Variants in DPEP1 observed in about 807,000 individuals in gnomAD.
DPEP1 encodes the protein dipeptidase 1.
A neutral mutation model predicts 42.3 loss-of-function variants in DPEP1; 50 were observed. That is an observed-to-expected ratio of 1.18 (90% CI 0.94 to 1.50). The LOEUF (loss-of-function observed/expected upper bound fraction) is 1.50. DPEP1 is among the 40% of genes most tolerant of loss of function. The probability of loss-of-function intolerance (pLI) is 0.00; values close to 1 mark genes in which losing one functional copy is unlikely to be tolerated. For missense variants in DPEP1, 663 were observed against 553.0 expected (o/e 1.20, Z -1.99); for synonymous variants, 297 against 234.0 (o/e 1.27, Z -2.46).
chr16:89,613,753 C>T (rs1299262868), intron 1 of DPEP1, 34 bp downstream of exon 1: 4 of 155,186 alleles, frequency 2.6e-5, no homozygotes, highest in Non-Finnish European at 5.7e-5. Context: ...CGCCAGGGTA[C>T]TGGGGTGCCC....
In DPEP1 at chr16:89,637,031, G is replaced by T. The variant is rs541394786; in HGVS notation, c.591+96G>T. The T allele has an allele frequency of 3.2e-6, 5 of 1,548,112 alleles. No individual in the cohort carries two copies. The South Asian group carries it at 5.9e-5, about 18-fold the overall frequency. On this transcript the variant is annotated intron_variant, in intron 6 of 10. Transcript: ENST00000690203. ...GCATCTCCTCACGTGGGACCTCAGT[G>T]TCCTTGTCTGTAAAATGGAGCTGGC...
chr16:89,639,717 G>C (rs137873456), downstream of DPEP1, among the ~76,000 whole-genome samples: 1 of 151,552 alleles, frequency 6.6e-6, no homozygotes, highest in East Asian at 1.9e-4. Context: ...ATGGAATCTC[G>C]CTCCGTCACC....
At chr16:89,630,780 G>A (rs1349236339) in intron 2 of DPEP1, among the ~76,000 whole-genome samples, 1 of 149,192 alleles carries the variant, frequency 6.7e-6, no homozygotes, top group African/African-American at 2.5e-5. Flanking sequence ...GGGGCTGGGG[G>A]AGCTGGGGGT....
chr16:89,632,619 G>T (rs1262906715), intron 2 of DPEP1, among the ~76,000 whole-genome samples: 1 of 152,150 alleles, frequency 6.6e-6, no homozygotes, highest in Admixed American at 6.5e-5. Context: ...CCATATCCCA[G>T]CTAAGGGCAT....
intron 1 of DPEP1, among the ~76,000 whole-genome samples, chr16:89,614,637 T>A (rs1597736032): frequency 6.6e-6 from 1 of 151,620 alleles, no homozygotes; most frequent in Non-Finnish European, 1.5e-5. Context: ...TAATAAAAAA[T>A]ACAAAAAATT....
At chr16:89,632,345 G>T (rs946848537) in intron 2 of DPEP1, among the ~76,000 whole-genome samples, 1 of 152,196 alleles carries the variant, frequency 6.6e-6, no homozygotes, top group African/African-American at 2.4e-5. Context: ...GAGCCACCGC[G>T]CCCGGCCGGG....
At chr16:89,628,457 C>T (rs1470396538) in intron 1 of DPEP1, among the ~76,000 whole-genome samples, 3 of 150,848 alleles carry the variant, frequency 2.0e-5, no homozygotes, top group South Asian at 2.1e-4. Flanking sequence ...GGGGTTTCAC[C>T]ATGTTGCCCA....
chr16:89,638,965 C>T (rs1256711957), downstream of DPEP1, among the ~76,000 whole-genome samples: 1 of 81,632 alleles, frequency 1.2e-5, no homozygotes, highest in African/African-American at 5.6e-5. Flanking sequence ...ACACACACAC[C>T]GCACCCCTGC....
chr16:89,632,249 C>T (rs1051693698), intron 2 of DPEP1, among the ~76,000 whole-genome samples: 2 of 152,136 alleles, frequency 1.3e-5, no homozygotes, highest in Non-Finnish European at 2.9e-5. Context: ...GACAGGGTTT[C>T]ACCATGTTGG....
At chr16:89,618,009 G>T (rs1177150602) in intron 1 of DPEP1, among the ~76,000 whole-genome samples, 1 of 152,114 alleles carries the variant, frequency 6.6e-6, no homozygotes, top group African/African-American at 2.4e-5. Context: ...GGGCGACAGA[G>T]CGAGACTCAG....
At chr16:89,631,523 G>GA (rs1467777031) in intron 2 of DPEP1, among the ~76,000 whole-genome samples, 2 of 152,144 alleles carry the variant, frequency 1.3e-5, no homozygotes, top group African/African-American at 4.8e-5. Context: ...GAAAAACTGT[G>GA]AAAAAAGCAG....
intron 1 of DPEP1, chr16:89,616,821 A>C: frequency 3.8e-6 from 1 of 263,708 alleles, no homozygotes; most frequent in South Asian, 3.0e-5. Context: ...AGCGGCCAGG[A>C]AGTGGCCAGG....
chr16:89,616,632 G>T (rs918569983), intron 1 of DPEP1, among the ~76,000 whole-genome samples: 6 of 152,204 alleles, frequency 3.9e-5, no homozygotes, highest in African/African-American at 1.4e-4. Flanking sequence ...GAGGTTCCTT[G>T]AAGTTTGTGA....
chr16:89,637,185 C>T lies in DPEP1; in HGVS notation c.592-19C>T, dbSNP rs201941250. 145 of 1,607,384 alleles carry T rather than the reference C, an allele frequency of 9.0e-5. No homozygotes were observed. The highest frequency in any genetic ancestry group is 7.7e-4 in the African/African-American group (58 of 74,938). On this transcript the variant is annotated intron_variant, in intron 6 of 10. Coordinates refer to ENST00000690203, the MANE Select transcript of DPEP1 (RefSeq NM_001389466.1). ...CGACCCTGGGGGCTGTGAGGGTGGA[C>T]GGAGCCCTGTCTTCCCAGCGTGTGG...
intron 6 of DPEP1, 43 bp from the exon 7 acceptor site, chr16:89,637,161 G>C (rs2059692309): frequency 6.3e-7 from 1 of 1,593,794 alleles, no homozygotes; most frequent in Middle Eastern, 1.7e-4. Flanking sequence ...CCGCAGCCCC[G>C]ACCCTGGGGG....
intron 1 of DPEP1, among the ~76,000 whole-genome samples, chr16:89,615,645 C>G (rs1451108473): frequency 6.6e-6 from 1 of 152,216 alleles, no homozygotes; most frequent in African/African-American, 2.4e-5. Flanking sequence ...GCAGCTGGTT[C>G]TTGGGTGAAG....
At chr16:89,630,163 C>A (rs146198502) in intron 1 of DPEP1, 142 bp from the exon 2 acceptor site, 320 of 348,798 alleles carry the variant, frequency 9.2e-4, no homozygotes, top group African/African-American at 6.3e-3. Flanking sequence ...ACAGCAACGC[C>A]CAGTCATTGA....
rs2059705464 is a variant in DPEP1, at chr16:89,637,899, G to T, written c.993G>T (p.Arg331Ser). ...YPDLIAELLR[R>S]NWTEAEVKGA... Reference sequence around the variant, plus strand: ...ACCTGATCGCTGAGCTGCTCAGGAGGAACTGGACGGAGGCGGAGGTCAAGG... The same window carrying T: ...ACCTGATCGCTGAGCTGCTCAGGAGTAACTGGACGGAGGCGGAGGTCAAGG... The change falls in exon 10 of 11, where the codon AGG (arginine) becomes AGT (serine). Residue 331 changes from arginine to serine, a missense_variant. By Grantham distance (110) the Arg-to-Ser change is moderately radical. Transcript: ENST00000690203. The T allele has an allele frequency of 6.2e-7, 1 of 1,612,580 alleles. No individual in the cohort carries two copies. The highest frequency in any genetic ancestry group is 8.5e-7 in the Non-Finnish European group (1 of 1,179,796).
chr16:89,635,904 C>T lies in DPEP1; in HGVS notation c.105-4C>T. Reference sequence around the variant, plus strand: ...CTGCCTGGCCTCTCCCCGGCAAACTCCAGGCACAATGACCTCCCCTGGCAG... The same window carrying T: ...CTGCCTGGCCTCTCCCCGGCAAACTTCAGGCACAATGACCTCCCCTGGCAG... On this transcript the variant is annotated splice_region_variant and splice_polypyrimidine_tract_variant and intron_variant, in intron 2 of 10. Coordinates refer to ENST00000690203, the MANE Select transcript of DPEP1 (RefSeq NM_001389466.1). The T allele has an allele frequency of 6.3e-7, 1 of 1,595,472 alleles. No homozygotes were observed. Among genetic ancestry groups the T allele is most frequent in the East Asian group, 2.2e-5 (1 of 44,746 alleles).
Sources: allele counts gnomAD v4.1 joint callset (sites outside exome capture counted in the v4.1 genomes callset), GRCh38; gene constraint gnomAD v4.1.1; transcripts MANE v1.5; gene names NCBI Gene and HGNC (gene_info 2026-07-23, HGNC 2026-07-21).